Variants in DCUN1D5 observed in about 807,000 individuals in gnomAD.
The protein encoded by DCUN1D5 is DCN1-like protein 5.
Under a neutral mutation model 38.3 loss-of-function variants are expected in DCUN1D5, and 10 were observed. That is an observed-to-expected ratio of 0.26 (90% CI 0.16 to 0.44). The LOEUF (loss-of-function observed/expected upper bound fraction) is 0.44, where lower values mean the gene tolerates loss of function less well. Ranked by LOEUF, DCUN1D5 falls within the 20% of genes least tolerant of loss-of-function variation. The probability of loss-of-function intolerance (pLI) is 1.00; values close to 1 mark genes in which losing one functional copy is unlikely to be tolerated. For missense variants in DCUN1D5, 148 were observed against 275.3 expected (o/e 0.54, Z 3.27); for synonymous variants, 93 against 90.9 (o/e 1.02, Z -0.13).
chr11:103,079,548 T>C (rs931843434), intron 4 of DCUN1D5, among the ~76,000 whole-genome samples: 3 of 151,838 alleles, frequency 2.0e-5, no homozygotes, highest in East Asian at 1.9e-4. Context: ...CTGGGCAACA[T>C]AGTGAGACAA....
chr11:103,072,772 AG>A (rs1862311693), intron 4 of DCUN1D5, among the ~76,000 whole-genome samples: 1 of 17,688 alleles, frequency 5.7e-5, no homozygotes, highest in Non-Finnish European at 9.6e-5. Context: ...GGGTGGGGGG[AG>A]GGGGGAGGGA....
chr11:103,079,355 T>A (rs1024485130), intron 4 of DCUN1D5, among the ~76,000 whole-genome samples: 2 of 152,250 alleles, frequency 1.3e-5, no homozygotes, highest in Admixed American at 6.5e-5. Flanking sequence ...AAAAGCTGCA[T>A]CTTATTCCTC....
In DCUN1D5 at chr11:103,080,259, A is replaced by G. The variant is rs528811219; in HGVS notation, c.341+2489T>C. On this transcript the variant is annotated intron_variant, in intron 4 of 7. Transcript: ENST00000260247. ...CATTAGATGCCCAGGTGAAATCACA[A>G]AAGTATGAAAAATATCAGAGAGAAC... Among the ~76,000 whole-genome samples, 12 of 152,312 alleles carry G rather than the reference A, an allele frequency of 7.9e-5. No homozygotes were observed. The South Asian group carries it at 2.3e-3, about 29-fold the overall frequency.
Position 103,091,973 on chromosome 11 carries a change from C to G in DCUN1D5, c.-101G>C. ...GGCACCCAGTTCCCAGAGACAGCAG[C>G]AAGCGGAGGAGCAGAGTCGCCAGCC... On this transcript the variant is annotated 5_prime_UTR_variant, in exon 1 of 8. Transcript: ENST00000260247. The surrounding 1 kb of genome is among the most constrained non-coding windows in gnomAD (Gnocchi z 4.3). 1 of 1,154,150 alleles carries G rather than the reference C, an allele frequency of 8.7e-7. No individual in the cohort carries two copies. The allele number at this position is 1,154,150 out of a possible 1,614,324, so 71.5% of individuals were successfully genotyped here. A position where few individuals can be genotyped will look rare whatever the true frequency, so the allele number is the denominator to read the frequency against.
intron 4 of DCUN1D5, among the ~76,000 whole-genome samples, chr11:103,075,630 T>C (rs913919459): frequency 2.6e-5 from 4 of 152,176 alleles, no homozygotes; most frequent in African/African-American, 9.7e-5. Flanking sequence ...TCTGCCCGCC[T>C]CAAACCCCAA....
At chr11:103,070,852 G>A (rs959477888) in intron 4 of DCUN1D5, among the ~76,000 whole-genome samples, 2 of 151,896 alleles carry the variant, frequency 1.3e-5, no homozygotes, top group Admixed American at 6.6e-5. Flanking sequence ...AAAAATAACT[G>A]AAATAAAAAA....
chr11:103,054,474 G>A lies in DCUN1D5; in HGVS notation c.*7885C>T, dbSNP rs545559423. 9.2e-5 allele frequency: 14 copies of A among 152,180 alleles called. No individual in the cohort carries two copies. The highest frequency in any genetic ancestry group is 3.1e-4 in the African/African-American group (13 of 41,548). The allele number at this position is 152,180 out of a possible 1,614,324, so 9.4% of individuals were successfully genotyped here. On this transcript the variant is annotated 3_prime_UTR_variant, in exon 8 of 8. Coordinates refer to ENST00000260247, the MANE Select transcript of DCUN1D5 (RefSeq NM_032299.4). The stretch of plus-strand genomic sequence containing the variant: ...GGGCACTTGGAGGCACCAAAAATAA[G>A]TGAGTCAGGATTTCTATTATTGAAG...
At position 103,058,904 on chromosome 11, in the gene DCUN1D5, G is replaced by C. The variant is rs1264104618; in HGVS notation, c.*3455C>G. ...AGACTTTTGGGTTTTTTTGGGGGGG[G>C]TTTTAATTTTATTTTTTATTTTTGG... On this transcript the variant is annotated 3_prime_UTR_variant, in exon 8 of 8. Coordinates refer to ENST00000260247, the MANE Select transcript of DCUN1D5 (RefSeq NM_032299.4). 8.6e-5 allele frequency among the ~76,000 whole-genome samples: 13 copies of C among 150,304 alleles called. No homozygotes were observed. Among genetic ancestry groups the C allele is most frequent in the Admixed American group, 6.6e-4 (10 of 15,110 alleles).
rs1200942494 is a variant in DCUN1D5 at position 103,091,518 on chromosome 11, AT to A, written c.86+268del. 4 of 439,392 alleles carry A rather than the reference AT, an allele frequency of 9.1e-6. No homozygotes were observed. The highest frequency in any genetic ancestry group is 1.7e-5 in the Non-Finnish European group (4 of 239,234). 27.2% of individuals were successfully genotyped at this position (439,392 alleles called of 1,614,324 possible). On this transcript the variant is annotated intron_variant, in intron 1 of 7. Coordinates refer to ENST00000260247, the MANE Select transcript of DCUN1D5 (RefSeq NM_032299.4). The surrounding 1 kb of genome is among the most constrained non-coding windows in gnomAD (Gnocchi z 4.3). Reference sequence around the variant, plus strand: ...GGGTGGGGGGAAGCGCAATTTACATATGCATCTGTTCCCCACCCTGCAGGGC... The same window carrying A: ...GGGTGGGGGGAAGCGCAATTTACATAGCATCTGTTCCCCACCCTGCAGGGC...
At position 103,063,302 on chromosome 11, in the gene DCUN1D5, A is replaced by G. The variant is rs1021180870; in HGVS notation, c.659-888T>C. On this transcript the variant is annotated intron_variant, in intron 7 of 7. Coordinates refer to ENST00000260247, the MANE Select transcript of DCUN1D5 (RefSeq NM_032299.4). The surrounding 1 kb of genome is among the most constrained non-coding windows in gnomAD (Gnocchi z 4.6). ...TTGTCAGACTTTTTAAATTTTTCCA[A>G]CAAATCTAAATGTTGTATTTTAATA... 2.0e-5 allele frequency among the ~76,000 whole-genome samples: 3 copies of G among 152,142 alleles called. No individual in the cohort carries two copies. Among genetic ancestry groups the G allele is most frequent in the Non-Finnish European group, 4.4e-5 (3 of 67,968 alleles).
rs1374948666 is a variant in DCUN1D5 at position 103,056,933 on chromosome 11, G to T, written c.*5426C>A. Among the ~76,000 whole-genome samples, 1 of 152,086 alleles carries T rather than the reference G, an allele frequency of 6.6e-6. No homozygotes were observed. The highest frequency in any genetic ancestry group is 1.9e-4 in the East Asian group (1 of 5,184). ...CCTATTTGAACTTCGTAACAATACTGGTAGGTATCATTATCGCCATTTTAC... is the reference window on the plus strand; with the variant it reads ...CCTATTTGAACTTCGTAACAATACTTGTAGGTATCATTATCGCCATTTTAC... On this transcript the variant is annotated 3_prime_UTR_variant, in exon 8 of 8. Transcript: ENST00000260247. The surrounding 1 kb of genome is among the most constrained non-coding windows in gnomAD (Gnocchi z 4.9).
At chr11:103,070,104 A>G (rs1281664453) in intron 4 of DCUN1D5, among the ~76,000 whole-genome samples, 1 of 145,770 alleles carries the variant, frequency 6.9e-6, no homozygotes, top group Admixed American at 6.8e-5. Context: ...GAAAAAATAT[A>G]AAGTCTCAGC....
In DCUN1D5 at chr11:103,091,693, G is replaced by A. The variant is rs765710221; in HGVS notation, c.86+94C>T. 4.4e-5 allele frequency: 71 copies of A among 1,608,994 alleles called. No homozygotes were observed. Among genetic ancestry groups the A allele is most frequent in the Middle Eastern group, 3.3e-4 (2 of 6,016 alleles). The stretch of plus-strand genomic sequence containing the variant: ...ATCAAAGGGGCCTCACCTGTCTCCA[G>A]CCCCAGCCCGGCAGGCCGGGCCCGA... On this transcript the variant is annotated intron_variant, in intron 1 of 7. Transcript: ENST00000260247. This position sits in a 1 kb window ranked among gnomAD's most constrained non-coding sequence, Gnocchi z 4.3.
rs548261324 is a variant in DCUN1D5 at position 103,056,279 on chromosome 11, A to G, written c.*6080T>C. On this transcript the variant is annotated 3_prime_UTR_variant, in exon 8 of 8. Coordinates refer to ENST00000260247, the MANE Select transcript of DCUN1D5 (RefSeq NM_032299.4). The surrounding 1 kb of genome is among the most constrained non-coding windows in gnomAD (Gnocchi z 4.9). ...CAATCAGGCAGGATTATTACTCCCA[A>G]TCTCTCTCAGTTCATTTTCTAATTC... 1.3e-5 allele frequency among the ~76,000 whole-genome samples: 2 copies of G among 152,074 alleles called. No individual in the cohort carries two copies. Among genetic ancestry groups the G allele is most frequent in the East Asian group, 1.9e-4 (1 of 5,174 alleles).
chr11:103,089,454 C>A, intron 1 of DCUN1D5, 136 bp from the exon 2 acceptor site: 1 of 735,362 alleles, frequency 1.4e-6, no homozygotes, highest in East Asian at 2.8e-5. Context: ...TGGAAAAAAA[C>A]TGAAGTTGTT....
intron 1 of DCUN1D5, among the ~76,000 whole-genome samples, chr11:103,090,971 T>G (rs1369723836): frequency 1.3e-5 from 2 of 152,186 alleles, no homozygotes; most frequent in Non-Finnish European, 2.9e-5. Context: ...AATTGCAGTT[T>G]TTTTGTAGCA....
At chr11:103,084,005 A>G (rs1260255977) in intron 2 of DCUN1D5, among the ~76,000 whole-genome samples, 1 of 152,164 alleles carries the variant, frequency 6.6e-6, no homozygotes, top group Non-Finnish European at 1.5e-5. Flanking sequence ...CATTCATCCA[A>G]AAATTAATTA....
rs964611270 is a variant in DCUN1D5, at chr11:103,071,916, T to A, written c.342-5349A>T. Among the ~76,000 whole-genome samples the A allele has an allele frequency of 2.0e-5, 3 of 150,908 alleles. No individual in the cohort carries two copies. Among genetic ancestry groups the A allele is most frequent in the African/African-American group, 7.3e-5 (3 of 41,198 alleles). The stretch of plus-strand genomic sequence containing the variant: ...TTTAAAATATTTAAAAAAAGAAAAA[T>A]TTATTTAATAAAGCCAGTATTACTT... On this transcript the variant is annotated intron_variant, in intron 4 of 7. Transcript: ENST00000260247. This position sits in a 1 kb window ranked among gnomAD's most constrained non-coding sequence, Gnocchi z 4.1.
chr11:103,071,300 G>A lies in DCUN1D5; in HGVS notation c.342-4733C>T, dbSNP rs1232689742. 6.6e-6 allele frequency among the ~76,000 whole-genome samples: 1 copy of A among 151,774 alleles called. No homozygotes were observed. Among genetic ancestry groups the A allele is most frequent in the Admixed American group, 6.6e-5 (1 of 15,220 alleles). On this transcript the variant is annotated intron_variant, in intron 4 of 7. Transcript: ENST00000260247. The surrounding 1 kb of genome is among the most constrained non-coding windows in gnomAD (Gnocchi z 4.1). ...ATTCTCTAACAAGACTGACAAAAAA[G>A]AGAGAAGACAAAAATTACCCATATC...
Sources: allele counts gnomAD v4.1 joint callset (sites outside exome capture counted in the v4.1 genomes callset), GRCh38; gene constraint gnomAD v4.1.1; non-coding constraint Gnocchi (gnomAD v3.1); transcripts MANE v1.5; gene names NCBI Gene and HGNC (gene_info 2026-07-23, HGNC 2026-07-21).